Variants in ADAMTS6 observed in about 807,000 individuals in gnomAD.
ADAMTS6 encodes ADAM metallopeptidase with thrombospondin type 1 motif 6.
ADAMTS6 carries 23 observed loss-of-function variants against 144.3 expected under a neutral mutation model. The ratio of observed to expected loss-of-function variants is 0.16; its 90% CI spans 0.11 to 0.23. The LOEUF (loss-of-function observed/expected upper bound fraction) is 0.23. Among genes scored for constraint, ADAMTS6 ranks in the 10% least tolerant of loss-of-function variants. The pLI is 1.00. For missense variants in ADAMTS6, 999 were observed against 1,379.6 expected (o/e 0.72, Z 4.37); for synonymous variants, 444 against 457.5 (o/e 0.97, Z 0.38).
At chr5:65,366,746 G>T (rs1196352417) in intron 7 of ADAMTS6, among the ~76,000 whole-genome samples, 1 of 152,092 alleles carries the variant, frequency 6.6e-6, no homozygotes, top group African/African-American at 2.4e-5. Flanking sequence ...CAATCCATCT[G>T]ACTGCTGTTC....
chr5:65,406,542 C>T (rs4485885), intron 7 of ADAMTS6, among the ~76,000 whole-genome samples: 6 of 151,988 alleles, frequency 3.9e-5, no homozygotes, highest in Non-Finnish European at 5.9e-5. Context: ...TGCTGGATTC[C>T]GTTTGCCAGT....
At chr5:65,462,437 G>GAAC (rs1251596774) in intron 3 of ADAMTS6, among the ~76,000 whole-genome samples, 1 of 152,168 alleles carries the variant, frequency 6.6e-6, no homozygotes, top group Non-Finnish European at 1.5e-5. Context: ...GACTCTAGAA[G>GAAC]AACAATCCAG....
chr5:65,228,010 A>G (rs1395456587), intron 15 of ADAMTS6, among the ~76,000 whole-genome samples: 1 of 152,174 alleles, frequency 6.6e-6, no homozygotes, highest in Non-Finnish European at 1.5e-5. Context: ...GCGTTAGGTT[A>G]ATGATTAATT....
At chr5:65,196,307 C>T (rs376878318) in intron 21 of ADAMTS6, among the ~76,000 whole-genome samples, 26 of 151,906 alleles carry the variant, frequency 1.7e-4, no homozygotes, top group South Asian at 8.3e-4. Context: ...GAGGCCGAGG[C>T]GGGCGGATCA....
chr5:65,248,576 G>A (rs1043868543), intron 14 of ADAMTS6, among the ~76,000 whole-genome samples: 3 of 152,092 alleles, frequency 2.0e-5, no homozygotes, highest in Non-Finnish European at 4.4e-5. Context: ...AAGGCAGGGT[G>A]GATCGCTCGA....
chr5:65,406,086 C>A (rs182425324), intron 7 of ADAMTS6, among the ~76,000 whole-genome samples: 9 of 152,232 alleles, frequency 5.9e-5, no homozygotes, highest in Admixed American at 2.6e-4. Flanking sequence ...ATCATGTCAT[C>A]TGCAAAAAGG....
chr5:65,427,600 C>T lies in ADAMTS6; in HGVS notation c.1073+23875G>A, dbSNP rs530490116. ...GATCGTGAGGTCAAGAGATCGAGACCATCGTGGCTAACATGGTGAAACCCC... is the reference window on the plus strand; with the variant it reads ...GATCGTGAGGTCAAGAGATCGAGACTATCGTGGCTAACATGGTGAAACCCC... On this transcript the variant is annotated intron_variant, in intron 7 of 24. Coordinates refer to ENST00000381055, the MANE Select transcript of ADAMTS6 (RefSeq NM_197941.4). 5.3e-5 allele frequency among the ~76,000 whole-genome samples: 8 copies of T among 151,834 alleles called. No homozygotes were observed. In the East Asian group the frequency reaches 1.6e-3, roughly 30 times the overall value.
chr5:65,406,189 T>C (rs1222026234), intron 7 of ADAMTS6, among the ~76,000 whole-genome samples: 2 of 152,184 alleles, frequency 1.3e-5, no homozygotes, highest in Non-Finnish European at 2.9e-5. Context: ...CTATGTTAAA[T>C]AGGAGTGGTG....
chr5:65,225,157 AAAAT>A, intron 16 of ADAMTS6, 110 bp from the exon 17 acceptor site: 1 of 1,249,562 alleles, frequency 8.0e-7, no homozygotes, highest in East Asian at 2.6e-5. Flanking sequence ...AAAGAAAAGA[AAAAT>A]AAGGTAATCC....
chr5:65,385,423 A>C (rs956110324), intron 7 of ADAMTS6, among the ~76,000 whole-genome samples: 15 of 152,178 alleles, frequency 9.9e-5, no homozygotes, highest in Admixed American at 7.2e-4. Context: ...CAGCTTTGCG[A>C]TTTTTTAACT....
intron 7 of ADAMTS6, among the ~76,000 whole-genome samples, chr5:65,380,435 G>C (rs1370045730): frequency 6.6e-6 from 1 of 152,174 alleles, no homozygotes; most frequent in African/African-American, 2.4e-5. Flanking sequence ...AATTAGCAGG[G>C]TGTGGTGGCG....
rs548732851 is a variant in ADAMTS6 at position 65,300,692 on chromosome 5, C to T, written c.1224-561G>A. Among the ~76,000 whole-genome samples, 149 of 151,708 alleles carry T rather than the reference C, an allele frequency of 9.8e-4. 1 individual carries two copies. The highest frequency in any genetic ancestry group is 1.4e-3 in the Non-Finnish European group (97 of 67,932). ...TGTCGTCCAGGCTGGAGTGCAGTGGCGCGAACTCGGCTCACTGCAAGCTCA... is the reference window on the plus strand; with the variant it reads ...TGTCGTCCAGGCTGGAGTGCAGTGGTGCGAACTCGGCTCACTGCAAGCTCA... On this transcript the variant is annotated intron_variant, in intron 9 of 24. Transcript: ENST00000381055.
intron 21 of ADAMTS6, among the ~76,000 whole-genome samples, chr5:65,196,381 G>C (rs932370036): frequency 1.5e-4 from 22 of 151,702 alleles, no homozygotes; most frequent in African/African-American, 5.3e-4. Flanking sequence ...AATTTAGCCG[G>C]GTGTGGTGGT....
intron 7 of ADAMTS6, among the ~76,000 whole-genome samples, chr5:65,375,746 C>T (rs1208981010): frequency 6.6e-6 from 1 of 152,090 alleles, no homozygotes; most frequent in Non-Finnish European, 1.5e-5. Context: ...TTTGACCCAG[C>T]CATCCCATTA....
intron 7 of ADAMTS6, among the ~76,000 whole-genome samples, chr5:65,399,618 AG>A (rs1753749087): frequency 6.6e-6 from 1 of 152,154 alleles, no homozygotes; most frequent in South Asian, 2.1e-4. Context: ...ACTGCTTCAT[AG>A]GTAGTGTAAC....
At chr5:65,228,469 A>G (rs931957072) in intron 15 of ADAMTS6, among the ~76,000 whole-genome samples, 1 of 152,154 alleles carries the variant, frequency 6.6e-6, no homozygotes, top group African/African-American at 2.4e-5. Flanking sequence ...CATCAGCAAG[A>G]TGGTGGAAGA....
chr5:65,310,830 ACT>A (rs1457311544), intron 9 of ADAMTS6, among the ~76,000 whole-genome samples: 1 of 152,082 alleles, frequency 6.6e-6, no homozygotes, highest in Non-Finnish European at 1.5e-5. Flanking sequence ...TAGGTAAATG[ACT>A]CTGATTTTAT....
chr5:65,423,183 G>A (rs1756218217), intron 7 of ADAMTS6, among the ~76,000 whole-genome samples: 1 of 152,202 alleles, frequency 6.6e-6, no homozygotes, highest in African/African-American at 2.4e-5. Context: ...AAGGATAGGA[G>A]GAGGGTGAGG....
intron 12 of ADAMTS6, among the ~76,000 whole-genome samples, chr5:65,267,766 C>G (rs1761736940): frequency 6.6e-6 from 1 of 151,978 alleles, no homozygotes; most frequent in Non-Finnish European, 1.5e-5. Context: ...GTACTGGGTC[C>G]AGGCAGCATT....
Sources: gnomAD v4.1 joint callset for allele counts (sites outside exome capture counted in the v4.1 genomes callset) on GRCh38, gnomAD v4.1.1 for gene constraint, MANE v1.5 for transcripts, NCBI Gene and HGNC (gene_info 2026-07-23, HGNC 2026-07-21) for gene names.